The following GPR39 variants were observed in gnomAD, a reference collection of about 807,000 sequenced individuals.
The protein encoded by GPR39 is G protein-coupled receptor 39, also known as zinc sensing receptor.
Under a neutral mutation model 18.4 loss-of-function variants are expected in GPR39, and 23 were observed. The ratio of observed to expected loss-of-function variants is 1.25; its 90% CI spans 0.90 to 1.77. The LOEUF is 1.77. Ranked by LOEUF, GPR39 falls within the 40% of genes most tolerant of loss-of-function variation. The pLI, the probability that GPR39 is intolerant of heterozygous loss-of-function variation, is 0.00. For missense variants in GPR39, 647 were observed against 602.4 expected, an observed-to-expected ratio of 1.07 and a Z score of -0.78; for synonymous variants, 280 against 257.9, an observed-to-expected ratio of 1.09 and a Z score of -0.82.
intron 1 of GPR39, among the ~76,000 whole-genome samples, chr2:132,573,533 A>G (rs1400989879): frequency 6.6e-6 from 1 of 152,188 alleles, no homozygotes; most frequent in African/African-American, 2.4e-5. Flanking sequence ...CAAAAAGGTA[A>G]TCAGAACCAC....
chr2:132,428,433 G>C (rs983939440), intron 1 of GPR39, among the ~76,000 whole-genome samples: 3 of 152,198 alleles, frequency 2.0e-5, no homozygotes, highest in Non-Finnish European at 4.4e-5. Flanking sequence ...CAGGGTCTGG[G>C]TTGTGGCTGT....
intron 1 of GPR39, among the ~76,000 whole-genome samples, chr2:132,560,231 C>G (rs905573455): frequency 6.6e-6 from 1 of 152,206 alleles, no homozygotes; most frequent in Admixed American, 6.5e-5. Context: ...GTTTCCTCTT[C>G]CTTTTGGCCT....
Position 132,599,935 on chromosome 2 carries a change from A to G in GPR39, c.857-45166A>G, listed in dbSNP as rs191276655. Among the ~76,000 whole-genome samples the G allele has an allele frequency of 1.9e-3, 282 of 152,308 alleles. 1 individual carries two copies. Among genetic ancestry groups the G allele is most frequent in the African/African-American group, 6.5e-3 (271 of 41,554 alleles). On this transcript the variant is annotated intron_variant, in intron 1 of 1. Coordinates refer to ENST00000329321, the MANE Select transcript of GPR39 (RefSeq NM_001508.3). ...CAGATCTGCTCATGGATGAGATATG[A>G]GTGAAAGAATCCTTCTTAGATACTG...
At chr2:132,426,795 G>A (rs1002562207) in intron 1 of GPR39, among the ~76,000 whole-genome samples, 1 of 152,178 alleles carries the variant, frequency 6.6e-6, no homozygotes, top group Non-Finnish European at 1.5e-5. Context: ...TTGGAGAGCA[G>A]TGGTGTTACT....
chr2:132,427,068 ATGTACC>A (rs1351113512), intron 1 of GPR39, among the ~76,000 whole-genome samples: 3 of 146,824 alleles, frequency 2.0e-5, no homozygotes, highest in South Asian at 4.3e-4. Context: ...ATATATATAT[ATGTACC>A]TATATATATA....
At chr2:132,626,586 A>G (rs1681548699) in intron 1 of GPR39, among the ~76,000 whole-genome samples, 1 of 152,312 alleles carries the variant, frequency 6.6e-6, no homozygotes, top group South Asian at 2.1e-4. Flanking sequence ...TCTCTAGTCA[A>G]TAAAGAGAAA....
chr2:132,452,993 C>G (rs527780102), intron 1 of GPR39, among the ~76,000 whole-genome samples: 1 of 152,240 alleles, frequency 6.6e-6, no homozygotes, highest in Non-Finnish European at 1.5e-5. Context: ...TGGGCTTATA[C>G]CCAGTAATGG....
Position 132,638,046 on chromosome 2 carries a change from A to G in GPR39, c.857-7055A>G, listed in dbSNP as rs566046836. Among the ~76,000 whole-genome samples the G allele has an allele frequency of 2.0e-5, 3 of 152,214 alleles. No homozygotes were observed. In the South Asian group the frequency reaches 6.2e-4, roughly 32 times the overall value. On this transcript the variant is annotated intron_variant, in intron 1 of 1. Coordinates refer to ENST00000329321, the MANE Select transcript of GPR39 (RefSeq NM_001508.3). ...GAGATGTGATTGCTTTACATACTGGAGAAACATGTACAGAAAGAGGAGAAA... is the reference window on the plus strand; with the variant it reads ...GAGATGTGATTGCTTTACATACTGGGGAAACATGTACAGAAAGAGGAGAAA...
intron 1 of GPR39, among the ~76,000 whole-genome samples, chr2:132,442,735 A>G (rs1680462795): frequency 6.6e-6 from 1 of 152,242 alleles, no homozygotes; most frequent in Non-Finnish European, 1.5e-5. Flanking sequence ...GTGGTTTCAC[A>G]GCAGTACTGA....
chr2:132,547,069 C>G (rs1273055778), intron 1 of GPR39, among the ~76,000 whole-genome samples: 1 of 151,984 alleles, frequency 6.6e-6, no homozygotes, highest in African/African-American at 2.4e-5. Flanking sequence ...GCAAGCCGCA[C>G]CGACAGAGGG....
intron 1 of GPR39, among the ~76,000 whole-genome samples, chr2:132,639,065 T>C (rs1681815212): frequency 6.9e-6 from 1 of 144,986 alleles, no homozygotes; most frequent in South Asian, 2.1e-4. Context: ...TGGGAATGTT[T>C]ATCCAGCTCT....
intron 1 of GPR39, among the ~76,000 whole-genome samples, chr2:132,455,592 T>A (rs189206082): frequency 6.6e-6 from 1 of 152,258 alleles, no homozygotes; most frequent in Non-Finnish European, 1.5e-5. Context: ...ATTTTCGATC[T>A]TTCCTGCTTT....
At chr2:132,591,710 T>C (rs1680848062) in intron 1 of GPR39, among the ~76,000 whole-genome samples, 1 of 152,216 alleles carries the variant, frequency 6.6e-6, no homozygotes, top group Admixed American at 6.5e-5. Context: ...ACATCTATTA[T>C]GCAGATCCCA....
chr2:132,632,997 C>T (rs941338677), intron 1 of GPR39, among the ~76,000 whole-genome samples: 7 of 152,176 alleles, frequency 4.6e-5, no homozygotes, highest in Non-Finnish European at 7.3e-5. Flanking sequence ...TCTATTTTGA[C>T]TCCAAATCCT....
chr2:132,471,352 T>C (rs891842522), intron 1 of GPR39, among the ~76,000 whole-genome samples: 1 of 152,202 alleles, frequency 6.6e-6, no homozygotes, highest in Non-Finnish European at 1.5e-5. Flanking sequence ...CCTGTTCTAC[T>C]GGCATGAGTG....
chr2:132,553,409 T>A (rs935435379), intron 1 of GPR39, among the ~76,000 whole-genome samples: 2 of 150,898 alleles, frequency 1.3e-5, no homozygotes, highest in African/African-American at 4.9e-5. Context: ...TACGTATATA[T>A]ATGTACACAC....
At chr2:132,570,923 T>C (rs1160817143) in intron 1 of GPR39, among the ~76,000 whole-genome samples, 1 of 152,208 alleles carries the variant, frequency 6.6e-6, no homozygotes, top group Non-Finnish European at 1.5e-5. Flanking sequence ...GGGTGGGGCC[T>C]ATTGCTTTCC....
At chr2:132,591,455 G>A (rs1347255935) in intron 1 of GPR39, among the ~76,000 whole-genome samples, 3 of 152,114 alleles carry the variant, frequency 2.0e-5, no homozygotes, top group Non-Finnish European at 4.4e-5. Context: ...ACTGAAAGCT[G>A]CACTGTCAGC....
In GPR39 at chr2:132,544,118, A is replaced by G. The variant is rs566848368; in HGVS notation, c.857-100983A>G. ...CACTTTCCATCTTGTGGGGATTTCT[A>G]AAAACAACTCACAACTTGAGAACAT... is the stretch of plus-strand genomic sequence containing the variant. On this transcript the variant is annotated intron_variant, in intron 1 of 1. Coordinates refer to ENST00000329321, the MANE Select transcript of GPR39 (RefSeq NM_001508.3). Among the ~76,000 whole-genome samples, 118 of 152,274 alleles carry G rather than the reference A, an allele frequency of 7.7e-4. 1 individual carries two copies. The highest frequency in any genetic ancestry group is 2.6e-3 in the African/African-American group (110 of 41,574).
Sources: gnomAD v4.1 joint callset for allele counts (sites outside exome capture counted in the v4.1 genomes callset) on GRCh38, gnomAD v4.1.1 for gene constraint, MANE v1.5 for transcripts, NCBI Gene and HGNC (gene_info 2026-07-23, HGNC 2026-07-21) for gene names.